The following EFCAB6 variants were observed in gnomAD, a reference collection of about 807,000 sequenced individuals.
EFCAB6 encodes the protein EF-hand calcium binding domain 6.
In EFCAB6, 156 loss-of-function variants were observed where a neutral mutation model predicts 169.8. The ratio of observed to expected loss-of-function variants is 0.92; its 90% CI spans 0.81 to 1.05. The LOEUF (loss-of-function observed/expected upper bound fraction) is 1.05. Among genes scored for constraint, EFCAB6 ranks in the 50% least tolerant of loss-of-function variants. The pLI is 0.00. For missense variants in EFCAB6, 1,800 were observed against 1,829.1 expected (o/e 0.98, Z 0.29); for synonymous variants, 698 against 676.4 (o/e 1.03, Z -0.50).
chr22:43,780,923 C>T (rs371540833), intron 3 of EFCAB6, among the ~76,000 whole-genome samples: 2 of 152,178 alleles, frequency 1.3e-5, no homozygotes, highest in South Asian at 4.1e-4. Flanking sequence ...CACAGTGGCC[C>T]GCTGATTCCT....
rs565471049 is a variant in EFCAB6 at position 43,754,420 on chromosome 22, T to G, written c.507+1346A>C. Among the ~76,000 whole-genome samples the G allele has an allele frequency of 2.8e-4, 42 of 152,240 alleles. No individual in the cohort carries two copies. In the South Asian group the frequency reaches 8.3e-3, roughly 30 times the overall value. ...CCCTGCCTGCCCAGGGTTGGGGTCA[T>G]AGGTAGAATTTGGGCTACAGTCTGT... On this transcript the variant is annotated intron_variant, in intron 6 of 31. Coordinates refer to ENST00000262726, the MANE Select transcript of EFCAB6 (RefSeq NM_022785.4).
chr22:43,599,509 C>CAAAAAAAAAAAAAAAAAAAAAA (rs58130994), intron 23 of EFCAB6, among the ~76,000 whole-genome samples: 1 of 44,226 alleles, frequency 2.3e-5, no homozygotes, highest in East Asian at 9.4e-4. Context: ...GATTCCATCT[C>CAAAAAAAAAAAAAAAAAAAAAA]AAAAAAAAAA....
chr22:43,592,715 C>T lies in EFCAB6; in HGVS notation c.2877-2486G>A, dbSNP rs376814116. On this transcript the variant is annotated intron_variant, in intron 23 of 31. Transcript: ENST00000262726. ...AGGGGGCACTGTTATGGCCAATGGACGGCCACAGAGCCCCTCACACACACG... is the reference window on the plus strand; with the variant it reads ...AGGGGGCACTGTTATGGCCAATGGATGGCCACAGAGCCCCTCACACACACG... Among the ~76,000 whole-genome samples, 77 of 152,250 alleles carry T rather than the reference C, an allele frequency of 5.1e-4. No homozygotes were observed. In the South Asian group the frequency reaches 0.011, roughly 21 times the overall value.
At chr22:43,585,491 G>A (rs2051003234) in intron 24 of EFCAB6, among the ~76,000 whole-genome samples, 1 of 152,138 alleles carries the variant, frequency 6.6e-6, no homozygotes, top group Non-Finnish European at 1.5e-5. Context: ...ATTTCAAAAT[G>A]TGTAACACCT....
chr22:43,586,340 A>ATTTTTTTTTTTTTTTTTTTTTTT lies in EFCAB6; in HGVS notation c.3032+3711_3032+3733dup, dbSNP rs36058832. Among the ~76,000 whole-genome samples, 34 of 72,922 alleles carry ATTTTTTTTTTTTTTTTTTTTTTT rather than the reference A, an allele frequency of 4.7e-4. 1 individual carries two copies. Among genetic ancestry groups the ATTTTTTTTTTTTTTTTTTTTTTT allele is most frequent in the Non-Finnish European group, 5.8e-4 (24 of 41,164 alleles). The allele number at this position is 72,922 out of a possible 152,430, so 47.8% of individuals were successfully genotyped here. A position where few individuals can be genotyped will look rare whatever the true frequency, so the allele number is the denominator to read the frequency against. ...ACTGTAAACTCTTGAGCAACAACTG[A>ATTTTTTTTTTTTTTTTTTTTTTT]TTTTTTTTTTTTTTTTTTTTTTTTT... On this transcript the variant is annotated intron_variant, in intron 24 of 31. Transcript: ENST00000262726.
chr22:43,600,563 A>T (rs1043162089), intron 22 of EFCAB6, among the ~76,000 whole-genome samples: 1 of 152,102 alleles, frequency 6.6e-6, no homozygotes, highest in African/African-American at 2.4e-5. Flanking sequence ...AGAGAGAGCA[A>T]CCCAAGCCAC....
rs760260902 is a variant in EFCAB6, at chr22:43,672,320, G to C, written c.1420-15C>G. The C allele has an allele frequency of 2.5e-6, 4 of 1,613,254 alleles. No individual in the cohort carries two copies. The highest frequency in any genetic ancestry group is 2.2e-5 in the East Asian group (1 of 44,852). On this transcript the variant is annotated splice_polypyrimidine_tract_variant and intron_variant, in intron 13 of 31. Transcript: ENST00000262726. ...GTCTTTCTCATCTAATTGGGAAAGA[G>C]AAAGTATATAAATAAATACCACTCA...
intron 3 of EFCAB6, among the ~76,000 whole-genome samples, chr22:43,778,195 T>C (rs1007418379): frequency 4.6e-5 from 7 of 152,124 alleles, no homozygotes; most frequent in African/African-American, 1.4e-4. Flanking sequence ...AACGACCCAG[T>C]ATTTAGCAGC....
At chr22:43,631,527 G>A (rs1364816483) in intron 19 of EFCAB6, among the ~76,000 whole-genome samples, 6 of 151,990 alleles carry the variant, frequency 3.9e-5, no homozygotes, top group African/African-American at 7.3e-5. Context: ...TAGGCCTTAC[G>A]ATTCAGTGTG....
At chr22:43,806,417 C>A (rs763913144) in intron 2 of EFCAB6, among the ~76,000 whole-genome samples, 6 of 151,806 alleles carry the variant, frequency 4.0e-5, no homozygotes, top group Non-Finnish European at 7.4e-5. Context: ...ACCACACCTG[C>A]CTAATTTTTG....
chr22:43,689,952 G>A (rs2058344780), intron 10 of EFCAB6, among the ~76,000 whole-genome samples: 1 of 152,114 alleles, frequency 6.6e-6, no homozygotes, highest in South Asian at 2.1e-4. Flanking sequence ...AGGGGCAAAA[G>A]AACTAATCCA....
At chr22:43,711,292 T>TTC (rs928361524) in intron 10 of EFCAB6, among the ~76,000 whole-genome samples, 183 bp downstream of exon 10, 19 of 152,320 alleles carry the variant, frequency 1.2e-4, no homozygotes, top group African/African-American at 4.3e-4. Flanking sequence ...ATTTGACCAT[T>TTC]GTTGAAGCTG....
At chr22:43,661,821 T>C (rs1393333430) in intron 17 of EFCAB6, among the ~76,000 whole-genome samples, 2 of 152,068 alleles carry the variant, frequency 1.3e-5, no homozygotes, top group African/African-American at 2.4e-5. Flanking sequence ...AGTTAATAAA[T>C]ATAGTTCATA....
intron 5 of EFCAB6, among the ~76,000 whole-genome samples, chr22:43,756,954 G>A (rs929785827): frequency 2.0e-5 from 3 of 152,168 alleles, no homozygotes; most frequent in Non-Finnish European, 4.4e-5. Flanking sequence ...GACCAGAGCT[G>A]GATGGGCAAT....
intron 2 of EFCAB6, among the ~76,000 whole-genome samples, chr22:43,786,179 G>A (rs1603372728): frequency 1.3e-5 from 2 of 151,878 alleles, no homozygotes; most frequent in Non-Finnish European, 2.9e-5. Flanking sequence ...CCTAGCCAAC[G>A]TGGCGAAACC....
At chr22:43,556,543 C>T (rs536136954) in intron 26 of EFCAB6, among the ~76,000 whole-genome samples, 1 of 152,320 alleles carries the variant, frequency 6.6e-6, no homozygotes, top group Admixed American at 6.5e-5. Flanking sequence ...CAAAGGGTTT[C>T]ACCGGAGTAT....
intron 13 of EFCAB6, among the ~76,000 whole-genome samples, chr22:43,675,457 T>TAA (rs1569362895): frequency 1.3e-4 from 10 of 74,202 alleles, no homozygotes; most frequent in Admixed American, 1.2e-3. Flanking sequence ...GTATAATATA[T>TAA]GATATAATAT....
intron 24 of EFCAB6, among the ~76,000 whole-genome samples, chr22:43,583,986 C>T (rs2050894692): frequency 6.6e-6 from 1 of 152,150 alleles, no homozygotes; most frequent in African/African-American, 2.4e-5. Flanking sequence ...CACTGGAAAA[C>T]AAGCTAGTTT....
At chr22:43,597,936 C>T (rs747271136) in intron 23 of EFCAB6, among the ~76,000 whole-genome samples, 1 of 152,100 alleles carries the variant, frequency 6.6e-6, no homozygotes, top group African/African-American at 2.4e-5. Context: ...ATGGACAGAA[C>T]TAGACATCAT....
Sources: allele counts gnomAD v4.1 joint callset (sites outside exome capture counted in the v4.1 genomes callset), GRCh38; gene constraint gnomAD v4.1.1; transcripts MANE v1.5; gene names NCBI Gene and HGNC (gene_info 2026-07-23, HGNC 2026-07-21).